The following CACNA1G variants were observed in gnomAD, a reference collection of about 807,000 sequenced individuals.
CACNA1G encodes voltage-dependent T-type calcium channel subunit alpha-1G.
A neutral mutation model predicts 219.4 loss-of-function variants in CACNA1G; 67 were observed. The observed-to-expected ratio is 0.31, with a 90% CI of 0.25 to 0.37. The LOEUF is 0.37. CACNA1G is among the 10% of genes least tolerant of loss of function. The pLI is 1.00. For missense variants in CACNA1G, 2,380 were observed against 3,231.4 expected, an observed-to-expected ratio of 0.74 and a Z score of 6.39; for synonymous variants, 1,296 against 1,345.3, an observed-to-expected ratio of 0.96 and a Z score of 0.80.
In CACNA1G at chr17:50,621,876, T is replaced by A; in HGVS notation, c.6060+82T>A. 1.3e-6 allele frequency: 2 copies of A among 1,484,334 alleles called. No individual in the cohort carries two copies. The highest frequency in any genetic ancestry group is 1.8e-6 in the Non-Finnish European group (2 of 1,083,574). 91.9% of individuals were successfully genotyped at this position (1,484,334 alleles called of 1,614,324 possible). Reference sequence around the variant, plus strand: ...GGGCTCCAGATCGGCCCAGGGAGGGTCCTGGGGCCGCCTCCTCTCAGTTTG... The same window carrying A: ...GGGCTCCAGATCGGCCCAGGGAGGGACCTGGGGCCGCCTCCTCTCAGTTTG... On this transcript the variant is annotated intron_variant, in intron 35 of 37. Coordinates refer to ENST00000359106, the MANE Select transcript of CACNA1G (RefSeq NM_018896.5). This position sits in a 1 kb window ranked among gnomAD's most constrained non-coding sequence, Gnocchi z 4.6.
In CACNA1G at chr17:50,600,852, C is replaced by A. The variant is rs376794382; in HGVS notation, c.3791+26C>A. 3.1e-6 allele frequency: 5 copies of A among 1,600,324 alleles called. No individual in the cohort carries two copies. The highest frequency in any genetic ancestry group is 4.3e-6 in the Non-Finnish European group (5 of 1,167,878). ...GTAAGTGACAGGGCAGGGGTCTGAC[C>A]TGTGTCCCGACCTCTTCTTCTCACG... On this transcript the variant is annotated intron_variant, in intron 18 of 37. Transcript: ENST00000359106. This position sits in a 1 kb window ranked among gnomAD's most constrained non-coding sequence, Gnocchi z 4.1.
chr17:50,570,356 G>A (rs1445595183), intron 4 of CACNA1G, among the ~76,000 whole-genome samples: 2 of 152,058 alleles, frequency 1.3e-5, no homozygotes, highest in African/African-American at 4.8e-5. Flanking sequence ...GGTTTCTGGA[G>A]CCAGCGAGGC....
In CACNA1G at chr17:50,623,924, G is replaced by A. The variant is rs757058434; in HGVS notation, c.6078G>A (p.Thr2026=). The A allele has an allele frequency of 1.9e-5, 30 of 1,610,166 alleles. No homozygotes were observed. Among genetic ancestry groups the A allele is most frequent in the Non-Finnish European group, 2.4e-5 (28 of 1,177,478 alleles). Residue 2026 remains threonine (T), a synonymous_variant, in exon 36 of 38, where the codon ACG becomes ACA. Transcript: ENST00000359106. The stretch of plus-strand genomic sequence containing the variant: ...TTTTGCAGATGCAGCCCCACCCCAC[G>A]GAGCTGCCAGGACCAGACTTACTGA... ...ALESNMQPHP[T]ELPGPDLLTV...
intron 13 of CACNA1G, among the ~76,000 whole-genome samples, chr17:50,592,589 C>T (rs1264638309): frequency 6.6e-6 from 1 of 152,238 alleles, no homozygotes; most frequent in Non-Finnish European, 1.5e-5. Flanking sequence ...ACGGGCATGG[C>T]AGAGATGAGC....
rs1482120598 is a variant in CACNA1G at position 50,596,397 on chromosome 17, C to A, written c.2980-165C>A. 2.0e-5 allele frequency among the ~76,000 whole-genome samples: 3 copies of A among 152,124 alleles called. No homozygotes were observed. Among genetic ancestry groups the A allele is most frequent in the African/African-American group, 7.2e-5 (3 of 41,428 alleles). ...TGGTGGGGCCCTGGGAAGCCTCGGGCCCCAAGCCTGGGGGGTCTGGCCTGC... is the reference window on the plus strand; with the variant it reads ...TGGTGGGGCCCTGGGAAGCCTCGGGACCCAAGCCTGGGGGGTCTGGCCTGC... On this transcript the variant is annotated intron_variant, in intron 14 of 37. Transcript: ENST00000359106. The surrounding 1 kb of genome is among the most constrained non-coding windows in gnomAD (Gnocchi z 4.8).
At chr17:50,567,057 CTT>C (rs2038091347) in intron 1 of CACNA1G, among the ~76,000 whole-genome samples, 1 of 152,242 alleles carries the variant, frequency 6.6e-6, no homozygotes, top group Non-Finnish European at 1.5e-5. Flanking sequence ...GTAACTGTGT[CTT>C]TCCCTTTCCA....
intron 24 of CACNA1G, among the ~76,000 whole-genome samples, 159 bp from the exon 25 acceptor site, chr17:50,607,668 C>T (rs1328147585): frequency 1.3e-5 from 2 of 152,228 alleles, no homozygotes; most frequent in Admixed American, 1.3e-4. Flanking sequence ...CAGTCCCCGC[C>T]CCTCCCTACT....
chr17:50,624,128 G>A, intron 36 of CACNA1G, 53 bp downstream of exon 36: 4 of 1,579,978 alleles, frequency 2.5e-6, no homozygotes, highest in Non-Finnish European at 3.5e-6. Flanking sequence ...TTCCATCCTG[G>A]CCTAAGCCAG....
chr17:50,565,546 G>C (rs1295806214), intron 1 of CACNA1G, among the ~76,000 whole-genome samples: 3 of 152,140 alleles, frequency 2.0e-5, no homozygotes. Context: ...TCATTTACTA[G>C]AAGGCCAGGA....
intron 16 of CACNA1G, among the ~76,000 whole-genome samples, chr17:50,598,217 T>C (rs936151634): frequency 7.2e-5 from 11 of 152,190 alleles, no homozygotes; most frequent in Admixed American, 7.2e-4. Context: ...TTAGTAGAGA[T>C]GAGGTTTCAC....
In CACNA1G at chr17:50,561,149, G is replaced by T. The variant is rs1465937046; in HGVS notation, c.-311G>T. 1.5e-5 allele frequency: 8 copies of T among 526,902 alleles called. No individual in the cohort carries two copies. The highest frequency in any genetic ancestry group is 2.6e-5 in the Admixed American group (1 of 38,618). 32.6% of individuals were successfully genotyped at this position (526,902 alleles called of 1,614,324 possible). ...GGTAGCGCCGAATCCGGCAACCGGA[G>T]CCTGGGCGCGAAGCGAAGAAGCCGG... is the stretch of plus-strand genomic sequence containing the variant. On this transcript the variant is annotated 5_prime_UTR_variant, in exon 1 of 38. Transcript: ENST00000359106.
chr17:50,601,475 C>T lies in CACNA1G; in HGVS notation c.3915+301C>T, dbSNP rs1046964117. Among the ~76,000 whole-genome samples the T allele has an allele frequency of 5.3e-5, 8 of 152,040 alleles. No individual in the cohort carries two copies. The East Asian group carries it at 1.2e-3, about 22-fold the overall frequency. ...ACGCGTGAGTCGGGGAGTGCTGGGGCGGTGCAGGGGCTGTGTGCAGATGGG... is the reference window on the plus strand; with the variant it reads ...ACGCGTGAGTCGGGGAGTGCTGGGGTGGTGCAGGGGCTGTGTGCAGATGGG... On this transcript the variant is annotated intron_variant, in intron 19 of 37. Coordinates refer to ENST00000359106, the MANE Select transcript of CACNA1G (RefSeq NM_018896.5).
At position 50,571,939 on chromosome 17, in the gene CACNA1G, G is replaced by A. The variant is rs755768954; in HGVS notation, c.648G>A (p.Leu216=). The A allele has an allele frequency of 2.4e-5, 38 of 1,613,896 alleles. No individual in the cohort carries two copies. Among genetic ancestry groups the A allele is most frequent in the Middle Eastern group, 3.3e-4 (2 of 6,082 alleles). ...TGCCCATGCTGGGCAACGTCCTGCTGCTCTGCTTCTTCGTCTTCTTCATCT... is the reference window on the plus strand; with the variant it reads ...TGCCCATGCTGGGCAACGTCCTGCTACTCTGCTTCTTCGTCTTCTTCATCT... ...DTLPMLGNVL[L]LCFFVFFIFG... The change falls in exon 5 of 38, where the codon CTG becomes CTA. Residue 216 remains leucine (L), a synonymous_variant. Coordinates refer to ENST00000359106, the MANE Select transcript of CACNA1G (RefSeq NM_018896.5). This position sits in a 1 kb window ranked among gnomAD's most constrained non-coding sequence, Gnocchi z 4.3.
chr17:50,594,997 T>C lies in CACNA1G; in HGVS notation c.2915T>C (p.Ile972Thr). ...ILVEGFQAEEISKREDASGQL... is the reference protein window; with the variant it reads ...ILVEGFQAEETSKREDASGQL... ...TGCCTCCCCCTTTCCCTGTAGGAAATCAGCAAACGGGAAGATGCGAGTGGA... is the reference window on the plus strand; with the variant it reads ...TGCCTCCCCCTTTCCCTGTAGGAAACCAGCAAACGGGAAGATGCGAGTGGA... Residue 972 changes from isoleucine (I) to threonine (T), a missense_variant, in exon 14 of 38, where the codon ATC becomes ACC. By Grantham distance (89) the Ile-to-Thr change is moderately conservative. Around this residue, in one of 17 missense-constraint regions of CACNA1G, gnomAD observed 418 missense variants for 434.3 expected, o/e 0.96. Transcript: ENST00000359106. 2 of 1,553,588 alleles carry C rather than the reference T, an allele frequency of 1.3e-6. No homozygotes were observed. The highest frequency in any genetic ancestry group is 1.2e-5 in the South Asian group (1 of 84,272).
rs2048284784 is a variant in CACNA1G at position 50,607,909 on chromosome 17, T to C, written c.4595T>C (p.Phe1532Ser). Residue 1532 changes from phenylalanine (F) to serine (S), a missense_variant, in exon 25 of 38, where the codon TTT (phenylalanine) becomes TCT (serine). This residue lies in a region of CACNA1G where 153 missense variants were observed against 374.9 expected (regional missense o/e 0.41). Coordinates refer to ENST00000359106, the MANE Select transcript of CACNA1G (RefSeq NM_018896.5). ...LIVAFFVLNM[F>S]VGVVVENFHK... ...GTGGCCTTCTTTGTCCTGAACATGT[T>C]TGTGGGTGTGGTGGTGGAGAACTTC... The C allele has an allele frequency of 6.2e-7, 1 of 1,614,010 alleles. No individual in the cohort carries two copies. The highest frequency in any genetic ancestry group is 8.5e-7 in the Non-Finnish European group (1 of 1,179,886).
Position 50,607,818 on chromosome 17 carries a change from C to A in CACNA1G, c.4513-9C>A, listed in dbSNP as rs770090530. ...GATGCCTCCGCCTGTCCTTCCTGCT[C>A]CCCGCCAGCCCATCATGAACCACAA... On this transcript the variant is annotated splice_polypyrimidine_tract_variant and intron_variant, in intron 24 of 37. Coordinates refer to ENST00000359106, the MANE Select transcript of CACNA1G (RefSeq NM_018896.5). 4 of 1,612,472 alleles carry A rather than the reference C, an allele frequency of 2.5e-6. No homozygotes were observed. In the African/African-American group the frequency reaches 5.3e-5, roughly 22 times the overall value.
intron 26 of CACNA1G, among the ~76,000 whole-genome samples, chr17:50,612,962 T>G (rs991591560): frequency 6.6e-6 from 1 of 152,168 alleles, no homozygotes; most frequent in Non-Finnish European, 1.5e-5. Flanking sequence ...GCTTTCTATT[T>G]CTTCTCCACA....
At position 50,575,856 on chromosome 17, in the gene CACNA1G, CCCA is replaced by C. The variant is rs1263919154; in HGVS notation, c.1457_1459del (p.His486del). The C allele has an allele frequency of 6.5e-7, 1 of 1,549,638 alleles. No homozygotes were observed. Among genetic ancestry groups the C allele is most frequent in the Non-Finnish European group, 8.7e-7 (1 of 1,147,554 alleles). On this transcript the variant is annotated inframe_deletion, in exon 8 of 38. Coordinates refer to ENST00000359106, the MANE Select transcript of CACNA1G (RefSeq NM_018896.5). ...CAGCCCAGCAGCAGCTGCTCTCGCT[CCCA>C]CCGCCGCCTATCCGTCCACCACCTG...
At chr17:50,588,057 G>A (rs1469617302) in intron 9 of CACNA1G, among the ~76,000 whole-genome samples, 1 of 152,068 alleles carries the variant, frequency 6.6e-6, no homozygotes, top group African/African-American at 2.4e-5. Context: ...TTAAAAGAAC[G>A]TTTCATTAAT....
Sources: allele counts gnomAD v4.1 joint callset (sites outside exome capture counted in the v4.1 genomes callset), GRCh38; gene constraint gnomAD v4.1.1; regional missense constraint gnomAD v4.1.1; non-coding constraint Gnocchi (gnomAD v3.1); transcripts MANE v1.5; gene names NCBI Gene and HGNC (gene_info 2026-07-23, HGNC 2026-07-21).